The following PTPRJ variants were observed in gnomAD, a reference collection of about 807,000 sequenced individuals.
The protein encoded by PTPRJ is receptor-type tyrosine-protein phosphatase eta.
Under a neutral mutation model 141.3 loss-of-function variants are expected in PTPRJ, and 129 were observed. That is an observed-to-expected ratio of 0.91 (90% CI 0.79 to 1.06). The LOEUF (loss-of-function observed/expected upper bound fraction) is 1.06. Among genes scored for constraint, PTPRJ ranks in the 50% least tolerant of loss-of-function variants. PTPRJ has a pLI of 0.00. For synonymous variants in PTPRJ, 610 were observed against 640.5 expected, an observed-to-expected ratio of 0.95 and a Z score of 0.72; for missense variants, 1,601 against 1,679.7, an observed-to-expected ratio of 0.95 and a Z score of 0.82.
At chr11:48,011,149 A>T (rs773344048) in intron 1 of PTPRJ, among the ~76,000 whole-genome samples, 25 of 152,186 alleles carry the variant, frequency 1.6e-4, no homozygotes, top group Non-Finnish European at 3.2e-4. Flanking sequence ...TTTCATTGTC[A>T]TGCGGGAGTC....
At chr11:47,981,587 T>A (rs1445942297) in intron 1 of PTPRJ, among the ~76,000 whole-genome samples, 3 of 152,350 alleles carry the variant, frequency 2.0e-5, no homozygotes, top group Non-Finnish European at 4.4e-5. Context: ...GCACGCTGGC[T>A]TTTCTCAAGG....
In PTPRJ at chr11:48,145,009, G is replaced by A; in HGVS notation, c.2796G>A (p.Val932=). The A allele has an allele frequency of 6.2e-7, 1 of 1,614,102 alleles. No individual in the cohort carries two copies. Among genetic ancestry groups the A allele is most frequent in the Non-Finnish European group, 8.5e-7 (1 of 1,180,016 alleles). The part of the protein sequence containing the change: ...LEPLGSYRAC[V]AGFTNITFHP... ...CTTTGTTATCCCACAGGGCTTGTGT[G>A]GCTGGCTTCACCAACATTACCTTCC... Residue 932 remains valine, a synonymous_variant, in exon 14 of 25, where the codon GTG becomes GTA. Transcript: ENST00000418331.
In PTPRJ at chr11:48,052,430, C is replaced by T. The variant is rs1032757667; in HGVS notation, c.97-57628C>T. 4.6e-5 allele frequency among the ~76,000 whole-genome samples: 7 copies of T among 152,326 alleles called. No individual in the cohort carries two copies. The South Asian group carries it at 6.2e-4, about 14-fold the overall frequency. On this transcript the variant is annotated intron_variant, in intron 1 of 24. Coordinates refer to ENST00000418331, the MANE Select transcript of PTPRJ (RefSeq NM_002843.4). ...TCTGGAGCCCAGGGGTGGCCTCACC[C>T]GCTCCTTGCTTTAGCCTGGAATGCA...
chr11:48,051,339 C>T (rs1854565529), intron 1 of PTPRJ, among the ~76,000 whole-genome samples: 1 of 152,160 alleles, frequency 6.6e-6, no homozygotes, highest in Non-Finnish European at 1.5e-5. Flanking sequence ...AAGTGATCTG[C>T]TCACCTCGGC....
In PTPRJ at chr11:48,123,683, T is replaced by G; in HGVS notation, c.687T>G (p.Asn229Lys). ...GVRKAALSWS[N>K]GNGTASCRVL... ...GGAAGGCTGCTCTCTCCTGGAGCAATGGCAATGGCACTGCCTCCTGCCGGG... is the reference window on the plus strand; with the variant it reads ...GGAAGGCTGCTCTCTCCTGGAGCAAGGGCAATGGCACTGCCTCCTGCCGGG... Residue 229 changes from asparagine to lysine, a missense_variant, in exon 5 of 25, where the codon AAT becomes AAG. Transcript: ENST00000418331. 6.2e-7 allele frequency: 1 copy of G among 1,614,160 alleles called. No homozygotes were observed. Among genetic ancestry groups the G allele is most frequent in the Non-Finnish European group, 8.5e-7 (1 of 1,180,004 alleles).
chr11:48,081,845 A>G (rs1204734186), intron 1 of PTPRJ, among the ~76,000 whole-genome samples: 2 of 152,220 alleles, frequency 1.3e-5, no homozygotes, highest in South Asian at 2.1e-4. Context: ...GATTGAACAC[A>G]GGGCTCTGTT....
intron 22 of PTPRJ, among the ~76,000 whole-genome samples, chr11:48,160,284 A>G (rs916478586): frequency 6.6e-5 from 10 of 152,334 alleles, no homozygotes; most frequent in African/African-American, 2.4e-4. Flanking sequence ...AATAAAATGA[A>G]TCTTAAGAGC....
chr11:48,037,751 T>G (rs886609411), intron 1 of PTPRJ, among the ~76,000 whole-genome samples: 1 of 151,990 alleles, frequency 6.6e-6, no homozygotes, highest in African/African-American at 2.4e-5. Context: ...AGGCAGAGGT[T>G]GCAGTGAGCC....
intron 1 of PTPRJ, among the ~76,000 whole-genome samples, chr11:48,034,752 G>C (rs1464710016): frequency 1.3e-5 from 2 of 152,158 alleles, no homozygotes; most frequent in Non-Finnish European, 2.9e-5. Context: ...GGGGAGCCTG[G>C]CTCCATGTTC....
At chr11:48,092,668 G>C (rs1016613908) in intron 1 of PTPRJ, among the ~76,000 whole-genome samples, 6 of 152,164 alleles carry the variant, frequency 3.9e-5, no homozygotes, top group Non-Finnish European at 8.8e-5. Context: ...GACCTCAGGT[G>C]ATCCACCCAC....
chr11:48,038,904 T>G (rs1341058777), intron 1 of PTPRJ, among the ~76,000 whole-genome samples: 1 of 150,044 alleles, frequency 6.7e-6, no homozygotes, highest in African/African-American at 2.5e-5. Flanking sequence ...ATCCCAGCAC[T>G]TTGGGAGGCT....
chr11:48,152,678 T>C (rs1857513432), intron 18 of PTPRJ, among the ~76,000 whole-genome samples: 1 of 152,246 alleles, frequency 6.6e-6, no homozygotes, highest in African/African-American at 2.4e-5. Context: ...ATTTATTAAA[T>C]TGGGAATCCT....
intron 1 of PTPRJ, 27 bp from the exon 2 acceptor site, chr11:48,110,031 G>A (rs771359499): frequency 1.9e-6 from 3 of 1,613,500 alleles, no homozygotes; most frequent in Non-Finnish European, 2.5e-6. Context: ...TGAATCTGCT[G>A]ACTTCCGTTT....
chr11:48,053,149 T>A (rs1223386605), intron 1 of PTPRJ, among the ~76,000 whole-genome samples: 2 of 108,936 alleles, frequency 1.8e-5, no homozygotes, highest in Non-Finnish European at 3.5e-5. Flanking sequence ...TATATAAAAA[T>A]AAATATATAT....
intron 1 of PTPRJ, among the ~76,000 whole-genome samples, chr11:48,037,610 G>A (rs775186926): frequency 1.3e-5 from 2 of 152,078 alleles, no homozygotes; most frequent in African/African-American, 2.4e-5. Flanking sequence ...CCAGGAGTTC[G>A]AGACCAGCCT....
At chr11:48,116,601 A>G (rs1856572478) in intron 3 of PTPRJ, among the ~76,000 whole-genome samples, 1 of 152,254 alleles carries the variant, frequency 6.6e-6, no homozygotes, top group South Asian at 2.1e-4. Context: ...AGAACATTCC[A>G]TCCAACAGCT....
chr11:48,021,456 G>A (rs1054509765), intron 1 of PTPRJ, among the ~76,000 whole-genome samples: 8 of 151,464 alleles, frequency 5.3e-5, no homozygotes, highest in Non-Finnish European at 1.0e-4. Flanking sequence ...AGAGGTTAAG[G>A]TTTATACGCA....
intron 1 of PTPRJ, among the ~76,000 whole-genome samples, chr11:48,076,530 T>G (rs952970745): frequency 5.9e-5 from 9 of 152,208 alleles, no homozygotes; most frequent in African/African-American, 1.9e-4. Flanking sequence ...CCTCATTTTT[T>G]AGCTTCCATT....
At chr11:48,143,138 G>A in intron 12 of PTPRJ, 88 bp downstream of exon 12, 6 of 1,492,550 alleles carry the variant, frequency 4.0e-6, no homozygotes, top group Non-Finnish European at 4.6e-6. Flanking sequence ...TGTGAGTAAT[G>A]CAGACACACG....
Sources: gnomAD v4.1 joint callset for allele counts (sites outside exome capture counted in the v4.1 genomes callset) on GRCh38, gnomAD v4.1.1 for gene constraint, MANE v1.5 for transcripts, NCBI Gene and HGNC (gene_info 2026-07-23, HGNC 2026-07-21) for gene names.